FBXW8: variants seen among roughly 807,000 people sequenced by gnomAD.
The protein encoded by FBXW8 is F-box/WD repeat-containing protein 8.
In FBXW8, 57 loss-of-function variants were observed where a neutral mutation model predicts 65.3. That is an observed-to-expected ratio of 0.87 (90% confidence interval 0.71 to 1.09). The LOEUF (loss-of-function observed/expected upper bound fraction) is 1.09. FBXW8 is among the 50% of genes least tolerant of loss of function. The pLI is 0.00. For synonymous variants in FBXW8, 308 were observed against 330.2 expected (o/e 0.93, Z 0.73); for missense variants, 777 against 814.8 (o/e 0.95, Z 0.57).
chr12:116,974,048 C>G (rs1335700730), intron 5 of FBXW8, among the ~76,000 whole-genome samples: 1 of 152,186 alleles, frequency 6.6e-6, no homozygotes, highest in East Asian at 1.9e-4. Flanking sequence ...CCCACAGTTA[C>G]ACCAGCTCAC....
chr12:116,925,289 C>T (rs1881234938), intron 1 of FBXW8, among the ~76,000 whole-genome samples: 1 of 152,082 alleles, frequency 6.6e-6, no homozygotes, highest in Non-Finnish European at 1.5e-5. Context: ...TGGCCAAAGG[C>T]ATTGCCTAGG....
chr12:116,912,742 C>T (rs1323293797), intron 1 of FBXW8, among the ~76,000 whole-genome samples: 6 of 152,154 alleles, frequency 3.9e-5, no homozygotes, highest in Non-Finnish European at 8.8e-5. Context: ...GGATTACAGG[C>T]GTGAGCCACC....
At chr12:116,958,942 C>T (rs537346416) in intron 4 of FBXW8, among the ~76,000 whole-genome samples, 16 of 152,318 alleles carry the variant, frequency 1.1e-4, no homozygotes, top group Middle Eastern at 3.4e-3. Flanking sequence ...GACACACAAA[C>T]GAAACCATTT....
chr12:116,942,434 G>A (rs1204199632), intron 2 of FBXW8, among the ~76,000 whole-genome samples: 1 of 150,120 alleles, frequency 6.7e-6, no homozygotes, highest in African/African-American at 2.5e-5. Context: ...GAGTGCAATG[G>A]CGTGATCTTG....
intron 1 of FBXW8, among the ~76,000 whole-genome samples, chr12:116,923,915 A>G (rs984842316): frequency 2.0e-5 from 3 of 152,066 alleles, no homozygotes; most frequent in Admixed American, 1.3e-4. Context: ...GGGTTTCACC[A>G]TGTTAGCCAG....
intron 4 of FBXW8, among the ~76,000 whole-genome samples, chr12:116,957,341 CA>C (rs528116560): frequency 2.0e-5 from 3 of 151,788 alleles, no homozygotes; most frequent in South Asian, 4.2e-4. Flanking sequence ...GAGACTGTCT[CA>C]AAAAAAATTT....
chr12:117,020,267 A>C (rs536519294), intron 8 of FBXW8, among the ~76,000 whole-genome samples: 2 of 152,254 alleles, frequency 1.3e-5, no homozygotes, highest in African/African-American at 4.8e-5. Flanking sequence ...ATCTTTCCTT[A>C]ATAGGTAATG....
chr12:116,928,304 A>G (rs1403550544), intron 2 of FBXW8, among the ~76,000 whole-genome samples, 177 bp downstream of exon 2: 1 of 152,194 alleles, frequency 6.6e-6, no homozygotes, highest in Non-Finnish European at 1.5e-5. Flanking sequence ...GTTCCACATC[A>G]CTACTCGGTG....
intron 2 of FBXW8, among the ~76,000 whole-genome samples, chr12:116,942,573 A>G (rs1003833144): frequency 2.0e-5 from 3 of 151,182 alleles, no homozygotes; most frequent in African/African-American, 7.3e-5. Flanking sequence ...ATGGGGTTTC[A>G]CCATGTTGGC....
rs1453776684 is a variant in FBXW8 at position 117,029,921 on chromosome 12, TTAAA to T, written c.*1750_*1753del. The T allele has an allele frequency of 6.6e-6, 1 of 150,704 alleles. No individual in the cohort carries two copies. Among genetic ancestry groups the T allele is most frequent in the African/African-American group, 2.4e-5 (1 of 40,910 alleles). 9.3% of individuals were successfully genotyped at this position (150,704 alleles called of 1,614,324 possible). Reference sequence around the variant, plus strand: ...TCACTGTACCCAGCCCAAAAGCAGTTTAAAAAAAAAAAAGACAAAATATACAACT... The same window carrying T: ...TCACTGTACCCAGCCCAAAAGCAGTTAAAAAAAAAGACAAAATATACAACT... On this transcript the variant is annotated 3_prime_UTR_variant, in exon 11 of 11. Coordinates refer to ENST00000652555, the MANE Select transcript of FBXW8 (RefSeq NM_153348.3).
At chr12:117,010,875 G>A (rs1228965094) in intron 8 of FBXW8, among the ~76,000 whole-genome samples, 2 of 152,210 alleles carry the variant, frequency 1.3e-5, no homozygotes, top group South Asian at 2.1e-4. Flanking sequence ...TTCAGAACAC[G>A]GTGGTGTCCC....
intron 8 of FBXW8, 135 bp from the exon 9 acceptor site, chr12:117,024,012 T>A: frequency 1.2e-6 from 1 of 823,688 alleles, no homozygotes. Flanking sequence ...GTCCTTATTA[T>A]CGATGTTTGT....
At chr12:117,001,698 A>AT (rs1200646069) in intron 7 of FBXW8, among the ~76,000 whole-genome samples, 3 of 152,018 alleles carry the variant, frequency 2.0e-5, no homozygotes, top group African/African-American at 7.3e-5. Flanking sequence ...CTCTGTGGGG[A>AT]TGAGGCCTGT....
chr12:116,997,910 G>A (rs1953417066), intron 7 of FBXW8, among the ~76,000 whole-genome samples: 1 of 152,152 alleles, frequency 6.6e-6, no homozygotes, highest in Non-Finnish European at 1.5e-5. Flanking sequence ...CTGCCTCTCG[G>A]GTTCAAGCAA....
At chr12:116,970,709 AC>A (rs1176437625) in intron 5 of FBXW8, among the ~76,000 whole-genome samples, 2 of 152,080 alleles carry the variant, frequency 1.3e-5, no homozygotes, top group Non-Finnish European at 2.9e-5. Context: ...GTAAACAACT[AC>A]CCCCCTGCCC....
chr12:117,022,681 C>G (rs1954128650), intron 8 of FBXW8, among the ~76,000 whole-genome samples: 1 of 152,090 alleles, frequency 6.6e-6, no homozygotes. Flanking sequence ...ACAACAAAAC[C>G]TATAAAAAGA....
chr12:116,912,448 A>ATTTT (rs954550711), intron 1 of FBXW8, among the ~76,000 whole-genome samples: 1 of 126,842 alleles, frequency 7.9e-6, no homozygotes, highest in African/African-American at 3.1e-5. Context: ...ATTGAGAATC[A>ATTTT]TTCTTTTTTT....
rs556533642 is a variant in FBXW8 at position 117,028,468 on chromosome 12, C to T, written c.*296C>T. 214 of 339,810 alleles carry T rather than the reference C, an allele frequency of 6.3e-4. 5 individuals carry two copies. In the South Asian group the frequency reaches 8.3e-3, roughly 13 times the overall value. The allele number at this position is 339,810 out of a possible 1,614,324, so 21.0% of individuals were successfully genotyped here. On this transcript the variant is annotated 3_prime_UTR_variant, in exon 11 of 11. Transcript: ENST00000652555. The surrounding 1 kb of genome is among the most constrained non-coding windows in gnomAD (Gnocchi z 4.1). ...AGGACGCCTCAGGGATCTCGCTGCGCGGTCCTATACGGTCCCTGCTTAGCC... is the reference window on the plus strand; with the variant it reads ...AGGACGCCTCAGGGATCTCGCTGCGTGGTCCTATACGGTCCCTGCTTAGCC...
intron 8 of FBXW8, among the ~76,000 whole-genome samples, chr12:117,020,864 G>C (rs1954077131): frequency 6.6e-6 from 1 of 152,230 alleles, no homozygotes; most frequent in African/African-American, 2.4e-5. Flanking sequence ...ATTTTATCCA[G>C]CATTTTTAAG....
Sources: gnomAD v4.1 joint callset for allele counts (sites outside exome capture counted in the v4.1 genomes callset) on GRCh38, gnomAD v4.1.1 for gene constraint, Gnocchi (gnomAD v3.1) non-coding constraint, MANE v1.5 for transcripts, NCBI Gene and HGNC (gene_info 2026-07-23, HGNC 2026-07-21) for gene names.